Variants in CDH13 observed in about 807,000 individuals in gnomAD.
The protein encoded by CDH13 is cadherin-13.
In CDH13, 24 loss-of-function variants were observed where a neutral mutation model predicts 63.8. The observed-to-expected ratio is 0.38, with a 90% CI of 0.27 to 0.53. The LOEUF is 0.53. Among genes scored for constraint, CDH13 ranks in the 20% least tolerant of loss-of-function variants. CDH13 has a pLI of 0.85. For synonymous variants in CDH13, 503 were observed against 355.3 expected, an observed-to-expected ratio of 1.42 and a Z score of -4.67; for missense variants, 1,049 against 903.1, an observed-to-expected ratio of 1.16 and a Z score of -2.07.
chr16:83,333,436 A>G (rs773401147), intron 5 of CDH13, among the ~76,000 whole-genome samples: 16 of 152,028 alleles, frequency 1.1e-4, no homozygotes, highest in Non-Finnish European at 2.2e-4. Flanking sequence ...CCTCTCTCAG[A>G]TTGCCCAGCC....
intron 4 of CDH13, among the ~76,000 whole-genome samples, chr16:83,127,550 C>A (rs1045771755): frequency 6.6e-6 from 1 of 151,930 alleles, no homozygotes; most frequent in African/African-American, 2.4e-5. Context: ...GCCAACGTGG[C>A]GAAACCCCGT....
chr16:83,324,783 C>T (rs2090322394), intron 5 of CDH13, among the ~76,000 whole-genome samples: 1 of 152,226 alleles, frequency 6.6e-6, no homozygotes, highest in Non-Finnish European at 1.5e-5. Flanking sequence ...ACTGCTGCAT[C>T]ATATCATATG....
chr16:82,635,155 CT>C (rs1269339101), intron 1 of CDH13, among the ~76,000 whole-genome samples: 1 of 152,200 alleles, frequency 6.6e-6, no homozygotes, highest in African/African-American at 2.4e-5. Context: ...CACATTGTGG[CT>C]TGATTTGTTC....
intron 1 of CDH13, among the ~76,000 whole-genome samples, chr16:82,746,353 T>G (rs1049008571): frequency 4.6e-5 from 7 of 152,018 alleles, no homozygotes; most frequent in Non-Finnish European, 1.5e-5. Context: ...TGATAGTACT[T>G]TGACATTTCT....
At chr16:83,793,600 T>C (rs1324191997) in intron 13 of CDH13, among the ~76,000 whole-genome samples, 1 of 152,188 alleles carries the variant, frequency 6.6e-6, no homozygotes, top group Admixed American at 6.5e-5. Context: ...GGCTGAGTAA[T>C]GGCCCCCAAA....
chr16:83,652,188 G>C (rs145896210), intron 8 of CDH13, among the ~76,000 whole-genome samples: 7 of 152,362 alleles, frequency 4.6e-5, no homozygotes, highest in African/African-American at 1.4e-4. Flanking sequence ...TGCAAACACA[G>C]AGAATGGATT....
intron 4 of CDH13, among the ~76,000 whole-genome samples, chr16:83,126,046 C>T (rs777705020): frequency 3.9e-5 from 6 of 152,198 alleles, no homozygotes; most frequent in African/African-American, 9.6e-5. Flanking sequence ...TGCCAAAATA[C>T]GGATACTGCC....
At position 82,837,496 on chromosome 16, in the gene CDH13, C is replaced by G. The variant is rs560310629; in HGVS notation, c.46-20866C>G. ...CAGTTTCCTTGATCCCCAAGGAGGA[C>G]TCATGGTTAAGATTTATTACGGTGA... On this transcript the variant is annotated intron_variant, in intron 1 of 13. Transcript: ENST00000567109. Among the ~76,000 whole-genome samples, 255 of 152,208 alleles carry G rather than the reference C, an allele frequency of 1.7e-3. 2 individuals are homozygous for G. Among genetic ancestry groups the G allele is most frequent in the African/African-American group, 5.8e-3 (241 of 41,526 alleles).
chr16:83,687,558 C>T (rs758610694), intron 10 of CDH13, among the ~76,000 whole-genome samples: 2 of 152,166 alleles, frequency 1.3e-5, no homozygotes, highest in African/African-American at 2.4e-5. Flanking sequence ...CACCAGGCTC[C>T]AACATTGGAG....
At chr16:83,531,451 C>A (rs530296169) in intron 7 of CDH13, among the ~76,000 whole-genome samples, 1 of 152,282 alleles carries the variant, frequency 6.6e-6, no homozygotes, top group South Asian at 2.1e-4. Context: ...GTGATTAAGT[C>A]AAGGATCTTG....
At chr16:82,654,734 AT>A (rs35891428) in intron 1 of CDH13, among the ~76,000 whole-genome samples, 52,965 of 148,368 alleles carry the variant, frequency 0.36, 9,415 homozygotes, top group African/African-American at 0.44. Context: ...TTAAATAAGG[AT>A]TTTTTTTTTT....
chr16:82,958,244 C>T (rs1302389653), intron 2 of CDH13, among the ~76,000 whole-genome samples: 3 of 152,132 alleles, frequency 2.0e-5, no homozygotes, highest in African/African-American at 2.4e-5. Context: ...CAATTGTCCT[C>T]GGAGGAATAG....
At chr16:83,233,379 C>A (rs756481716) in intron 5 of CDH13, among the ~76,000 whole-genome samples, 5 of 152,162 alleles carry the variant, frequency 3.3e-5, no homozygotes, top group Non-Finnish European at 7.3e-5. Context: ...CGTCACCAGT[C>A]CTTGTGCTGA....
intron 6 of CDH13, among the ~76,000 whole-genome samples, chr16:83,439,284 T>C (rs1440710260): frequency 2.0e-5 from 3 of 152,204 alleles, no homozygotes; most frequent in Non-Finnish European, 4.4e-5. Context: ...TTTATTGTTA[T>C]TTTCCCACTG....
intron 1 of CDH13, among the ~76,000 whole-genome samples, chr16:82,655,573 G>A (rs1455471012): frequency 6.6e-6 from 1 of 152,092 alleles, no homozygotes. Flanking sequence ...TGCTGAGAGT[G>A]ATGGGAAACC....
At chr16:83,144,289 A>G (rs1396435353) in intron 4 of CDH13, among the ~76,000 whole-genome samples, 1 of 152,214 alleles carries the variant, frequency 6.6e-6, no homozygotes, top group East Asian at 1.9e-4. Flanking sequence ...CACTCTTCCA[A>G]ATAGTTGAAG....
intron 8 of CDH13, among the ~76,000 whole-genome samples, chr16:83,623,930 CCT>C (rs909313737): frequency 2.0e-5 from 3 of 152,198 alleles, no homozygotes; most frequent in Admixed American, 6.5e-5. Flanking sequence ...TCAAGGATCC[CCT>C]GTTTGCACTC....
chr16:83,040,940 G>A (rs1038909606), intron 3 of CDH13, among the ~76,000 whole-genome samples: 2 of 152,082 alleles, frequency 1.3e-5, no homozygotes, highest in Admixed American at 1.3e-4. Context: ...TATGATTTCT[G>A]TAACCTGTAT....
intron 7 of CDH13, among the ~76,000 whole-genome samples, chr16:83,511,307 C>T (rs997138936): frequency 1.3e-5 from 2 of 152,056 alleles, no homozygotes; most frequent in Non-Finnish European, 2.9e-5. Flanking sequence ...ACTAAAAATA[C>T]AAAATTTAGC....
Sources: gnomAD v4.1 joint callset for allele counts (sites outside exome capture counted in the v4.1 genomes callset) on GRCh38, gnomAD v4.1.1 for gene constraint, MANE v1.5 for transcripts, NCBI Gene and HGNC (gene_info 2026-07-23, HGNC 2026-07-21) for gene names.